Variants in GPR158 observed in about 807,000 individuals in gnomAD.
GPR158 encodes metabotropic glycine receptor.
A neutral mutation model predicts 78.2 loss-of-function variants in GPR158; 30 were observed. The ratio of observed to expected loss-of-function variants is 0.38; its 90% CI spans 0.29 to 0.52. GPR158 has a LOEUF of 0.52. GPR158 is among the 20% of genes least tolerant of loss of function. GPR158 has a pLI of 0.83. For synonymous variants in GPR158, 581 were observed against 591.1 expected (o/e 0.98, Z 0.25); for missense variants, 1,463 against 1,523.5 (o/e 0.96, Z 0.66).
intron 5 of GPR158, among the ~76,000 whole-genome samples, chr10:25,469,885 T>C (rs978709614): frequency 1.3e-5 from 2 of 149,420 alleles, no homozygotes; most frequent in South Asian, 2.2e-4. Flanking sequence ...CCACCCCTCC[T>C]GGATTGTTGC....
chr10:25,196,827 T>C (rs919581519), intron 1 of GPR158, among the ~76,000 whole-genome samples: 32 of 152,184 alleles, frequency 2.1e-4, no homozygotes, highest in African/African-American at 7.5e-4. Flanking sequence ...TGGCAACTCA[T>C]GTATCTGTTT....
At chr10:25,392,943 T>C (rs1456174988) in intron 2 of GPR158, among the ~76,000 whole-genome samples, 1 of 152,228 alleles carries the variant, frequency 6.6e-6, no homozygotes, top group Non-Finnish European at 1.5e-5. Context: ...CAGGATGATC[T>C]GCTTTTATTG....
intron 4 of GPR158, among the ~76,000 whole-genome samples, chr10:25,460,066 G>T (rs1835337345): frequency 6.6e-6 from 1 of 152,048 alleles, no homozygotes; most frequent in Non-Finnish European, 1.5e-5. Context: ...ATAAGATACA[G>T]TTTTTGATGA....
chr10:25,536,281 T>G (rs1156565983), intron 5 of GPR158, among the ~76,000 whole-genome samples: 1 of 152,166 alleles, frequency 6.6e-6, no homozygotes, highest in Non-Finnish European at 1.5e-5. Context: ...TGCAAATATA[T>G]TTTACATTAT....
chr10:25,448,804 T>C (rs1835175404), intron 4 of GPR158, among the ~76,000 whole-genome samples: 1 of 152,348 alleles, frequency 6.6e-6, no homozygotes, highest in African/African-American at 2.4e-5. Context: ...ATTTTAACAA[T>C]TCCAGAAGAT....
chr10:25,208,471 A>G (rs542223450), intron 1 of GPR158, among the ~76,000 whole-genome samples: 37 of 152,208 alleles, frequency 2.4e-4, no homozygotes, highest in Non-Finnish European at 5.1e-4. Flanking sequence ...TGTACATCTT[A>G]TATTGGTATA....
chr10:25,513,169 T>C (rs1441369301), intron 5 of GPR158, among the ~76,000 whole-genome samples: 2 of 128,556 alleles, frequency 1.6e-5, no homozygotes, highest in Non-Finnish European at 3.3e-5. Flanking sequence ...TGGTCCTGGA[T>C]TTTTTTTTTT....
intron 2 of GPR158, among the ~76,000 whole-genome samples, chr10:25,323,729 G>T (rs1854989384): frequency 6.7e-6 from 1 of 150,034 alleles, no homozygotes; most frequent in Admixed American, 6.7e-5. Context: ...TGTTGCCCAT[G>T]CTGGTCTCAA....
chr10:25,525,931 A>AC (rs1451551910), intron 5 of GPR158, among the ~76,000 whole-genome samples: 1 of 151,750 alleles, frequency 6.6e-6, no homozygotes, highest in East Asian at 1.9e-4. Flanking sequence ...ACATGATGAA[A>AC]CCCCATCTCT....
intron 1 of GPR158, among the ~76,000 whole-genome samples, chr10:25,185,386 T>C (rs1348880548): frequency 2.0e-5 from 3 of 152,170 alleles, no homozygotes; most frequent in Admixed American, 2.0e-4. Flanking sequence ...CAATGAAATA[T>C]GAATTAATTT....
rs543538331 is a variant in GPR158, at chr10:25,298,055, A to T, written c.1008+76898A>T. On this transcript the variant is annotated intron_variant, in intron 2 of 10. Coordinates refer to ENST00000376351, the MANE Select transcript of GPR158 (RefSeq NM_020752.3). The stretch of plus-strand genomic sequence containing the variant: ...GCATATTGTGGGGATTGTGTTTCAC[A>T]GAGTGCCTTTTGAAATATTTAAACA... Among the ~76,000 whole-genome samples, 21 of 152,304 alleles carry T rather than the reference A, an allele frequency of 1.4e-4. No homozygotes were observed. The South Asian group carries it at 4.4e-3, about 32-fold the overall frequency.
In GPR158 at chr10:25,278,751, A is replaced by T. The variant is rs555834368; in HGVS notation, c.1008+57594A>T. ...TAATTAAAATTAATTAAATAATTAA[A>T]GTATTTAAATAATTAATAAAATTAA... On this transcript the variant is annotated intron_variant, in intron 2 of 10. Coordinates refer to ENST00000376351, the MANE Select transcript of GPR158 (RefSeq NM_020752.3). Among the ~76,000 whole-genome samples, 71 of 151,634 alleles carry T rather than the reference A, an allele frequency of 4.7e-4. 1 individual carries two copies. Among genetic ancestry groups the T allele is most frequent in the African/African-American group, 1.6e-3 (67 of 41,510 alleles).
chr10:25,186,904 G>A (rs920155508), intron 1 of GPR158, among the ~76,000 whole-genome samples: 15 of 151,086 alleles, frequency 9.9e-5, no homozygotes, highest in African/African-American at 3.7e-4. Context: ...ACCAAAGCCT[G>A]GCAGAGACAC....
chr10:25,490,787 T>C (rs1402237104), intron 5 of GPR158, among the ~76,000 whole-genome samples: 2 of 151,310 alleles, frequency 1.3e-5, no homozygotes, highest in Non-Finnish European at 2.9e-5. Context: ...GCATGATTTA[T>C]AGTCCTTTGG....
At chr10:25,183,172 T>C (rs1259213060) in intron 1 of GPR158, among the ~76,000 whole-genome samples, 2 of 152,160 alleles carry the variant, frequency 1.3e-5, no homozygotes, top group African/African-American at 4.8e-5. Flanking sequence ...TGAGTCTTTC[T>C]TCCTACAGGA....
At chr10:25,408,346 C>T (rs1015952946) in intron 3 of GPR158, among the ~76,000 whole-genome samples, 2 of 152,146 alleles carry the variant, frequency 1.3e-5, no homozygotes, top group Non-Finnish European at 2.9e-5. Flanking sequence ...TTGCTAATGT[C>T]CAGTGCCTGG....
chr10:25,494,344 T>C (rs1835850389), intron 5 of GPR158, among the ~76,000 whole-genome samples: 1 of 152,198 alleles, frequency 6.6e-6, no homozygotes, highest in Admixed American at 6.5e-5. Context: ...TTCATGTTTT[T>C]ATCATAAAAT....
At chr10:25,368,495 C>T (rs760269410) in intron 2 of GPR158, among the ~76,000 whole-genome samples, 8 of 151,804 alleles carry the variant, frequency 5.3e-5, no homozygotes, top group Non-Finnish European at 8.8e-5. Flanking sequence ...ATCTCAATAT[C>T]ACTGATAATT....
At chr10:25,257,124 C>T (rs909861323) in intron 2 of GPR158, among the ~76,000 whole-genome samples, 2 of 152,168 alleles carry the variant, frequency 1.3e-5, no homozygotes, top group Non-Finnish European at 2.9e-5. Flanking sequence ...ATAGAATTGG[C>T]ATCTGGTGAG....
Sources: gnomAD v4.1 joint callset for allele counts (sites outside exome capture counted in the v4.1 genomes callset) on GRCh38, gnomAD v4.1.1 for gene constraint, MANE v1.5 for transcripts, NCBI Gene and HGNC (gene_info 2026-07-23, HGNC 2026-07-21) for gene names.